The following SEPTIN9 variants were observed in gnomAD, a reference collection of about 807,000 sequenced individuals.
SEPTIN9 encodes the protein septin-9.
A neutral mutation model predicts 56.6 loss-of-function variants in SEPTIN9; 13 were observed. That is an observed-to-expected ratio of 0.23 (90% CI 0.15 to 0.37). The LOEUF (loss-of-function observed/expected upper bound fraction) is 0.37, where lower values mean the gene tolerates loss of function less well. Among genes scored for constraint, SEPTIN9 ranks in the 10% least tolerant of loss-of-function variants. The pLI, the probability that SEPTIN9 is intolerant of heterozygous loss-of-function variation, is 1.00. For synonymous variants in SEPTIN9, 332 were observed against 334.1 expected (o/e 0.99, Z 0.07); for missense variants, 650 against 823.1 (o/e 0.79, Z 2.57).
intron 2 of SEPTIN9, among the ~76,000 whole-genome samples, chr17:77,335,131 T>C (rs902439048): frequency 2.0e-5 from 3 of 152,044 alleles, no homozygotes; most frequent in Admixed American, 6.5e-5. Flanking sequence ...TATATGTACA[T>C]ATATACATGT....
intron 2 of SEPTIN9, among the ~76,000 whole-genome samples, chr17:77,311,392 G>T (rs556170585): frequency 6.6e-6 from 1 of 152,126 alleles, no homozygotes; most frequent in Non-Finnish European, 1.5e-5. Flanking sequence ...CCACCTGGCC[G>T]CTGTGGATGG....
In SEPTIN9 at chr17:77,450,574, C is replaced by T. The variant is rs947796474; in HGVS notation, c.722-31570C>T. On this transcript the variant is annotated intron_variant, in intron 3 of 11. Transcript: ENST00000427177. This position sits in a 1 kb window ranked among gnomAD's most constrained non-coding sequence, Gnocchi z 6.0. ...TGGCACTGAGATGGGTCTGGCAGATCCCAGCGTCCAGGCCCAGCCCCTATA... is the reference window on the plus strand; with the variant it reads ...TGGCACTGAGATGGGTCTGGCAGATTCCAGCGTCCAGGCCCAGCCCCTATA... The T allele has an allele frequency of 1.0e-6, 1 of 985,470 alleles. No homozygotes were observed. The highest frequency in any genetic ancestry group is 1.2e-6 in the Non-Finnish European group (1 of 830,096). 61.0% of individuals were successfully genotyped at this position (985,470 alleles called of 1,614,324 possible).
chr17:77,491,622 GA>G (rs2143398910), intron 8 of SEPTIN9, among the ~76,000 whole-genome samples: 1 of 151,678 alleles, frequency 6.6e-6, no homozygotes, highest in South Asian at 2.1e-4. Context: ...AGGCCAACAT[GA>G]TGAAACCCCA....
At chr17:77,480,410 G>A (rs1173348689) in intron 3 of SEPTIN9, among the ~76,000 whole-genome samples, 1 of 152,188 alleles carries the variant, frequency 6.6e-6, no homozygotes, top group African/African-American at 2.4e-5. Context: ...TGAATCGGCT[G>A]GGGATGCAGG....
Position 77,498,856 on chromosome 17 carries a change from T to G in SEPTIN9, c.*198T>G. On this transcript the variant is annotated 3_prime_UTR_variant, in exon 12 of 12. Coordinates refer to ENST00000427177, the MANE Select transcript of SEPTIN9 (RefSeq NM_001113491.2). ...GATGAGGCCGCGGCCTCCCCGAGGT[T>G]GTGGGGAGGCTGCACTGGAGCCACA... is the stretch of plus-strand genomic sequence containing the variant. 1.7e-6 allele frequency: 1 copy of G among 604,492 alleles called. No homozygotes were observed. The allele number at this position is 604,492 out of a possible 1,614,324, so 37.4% of individuals were successfully genotyped here.
At chr17:77,485,708 G>A (rs576288307) in intron 4 of SEPTIN9, among the ~76,000 whole-genome samples, 24 of 152,172 alleles carry the variant, frequency 1.6e-4, no homozygotes, top group African/African-American at 5.5e-4. Flanking sequence ...GATGGACGAG[G>A]AGTGTCCGTC....
At chr17:77,409,369 C>T (rs538903810) in intron 3 of SEPTIN9, among the ~76,000 whole-genome samples, 22 of 152,214 alleles carry the variant, frequency 1.4e-4, no homozygotes, top group African/African-American at 4.8e-4. Flanking sequence ...CAGAGCCTGG[C>T]TCCAGAGCCC....
intron 3 of SEPTIN9, among the ~76,000 whole-genome samples, chr17:77,459,029 G>A (rs1039175450): frequency 4.6e-5 from 7 of 152,192 alleles, no homozygotes; most frequent in Admixed American, 1.3e-4. Context: ...GGGCCCATGC[G>A]TCCAGGAGGT....
At chr17:77,388,551 C>T (rs553323242) in intron 2 of SEPTIN9, among the ~76,000 whole-genome samples, 6 of 152,164 alleles carry the variant, frequency 3.9e-5, no homozygotes, top group Admixed American at 2.0e-4. Context: ...CAGCTTGGCG[C>T]GCTTTGGATC....
Position 77,319,069 on chromosome 17 carries a change from A to G in SEPTIN9, c.76+11872A>G, listed in dbSNP as rs1310030485. On this transcript the variant is annotated intron_variant, in intron 2 of 11. Transcript: ENST00000427177. This position sits in a 1 kb window ranked among gnomAD's most constrained non-coding sequence, Gnocchi z 5.3. ...TTCTCAACAGAAGCTGACAGTCTGGAGTTTTCAGAGAGATTGCCTGAGTTC... is the reference window on the plus strand; with the variant it reads ...TTCTCAACAGAAGCTGACAGTCTGGGGTTTTCAGAGAGATTGCCTGAGTTC... Among the ~76,000 whole-genome samples the G allele has an allele frequency of 6.6e-6, 1 of 152,206 alleles. No individual in the cohort carries two copies. Among genetic ancestry groups the G allele is most frequent in the Non-Finnish European group, 1.5e-5 (1 of 68,028 alleles).
intron 4 of SEPTIN9, among the ~76,000 whole-genome samples, chr17:77,485,335 A>T (rs372066326): frequency 6.8e-5 from 8 of 118,236 alleles, no homozygotes; most frequent in African/African-American, 2.9e-4. Flanking sequence ...GATGGGGATG[A>T]TGGTGGTGTT....
rs1447342032 is a variant in SEPTIN9 at position 77,372,079 on chromosome 17, C to CA, written c.77-29979dup. Among the ~76,000 whole-genome samples the CA allele has an allele frequency of 2.6e-5, 4 of 152,152 alleles. No homozygotes were observed. The East Asian group carries it at 7.7e-4, about 29-fold the overall frequency. The stretch of plus-strand genomic sequence containing the variant: ...TGAGCTGTCAGGCGCTCCCCGGCCA[C>CA]ACATTCAAGGGACCGGAGTGCAGTT... On this transcript the variant is annotated intron_variant, in intron 2 of 11. Coordinates refer to ENST00000427177, the MANE Select transcript of SEPTIN9 (RefSeq NM_001113491.2).
intron 3 of SEPTIN9, among the ~76,000 whole-genome samples, chr17:77,481,230 G>A (rs902084641): frequency 5.3e-5 from 8 of 152,232 alleles, no homozygotes; most frequent in Non-Finnish European, 7.3e-5. Flanking sequence ...GCCATCGAAG[G>A]GACCTACAGA....
chr17:77,448,484 CAAAA>C (rs746241410), intron 3 of SEPTIN9, among the ~76,000 whole-genome samples: 10 of 118,894 alleles, frequency 8.4e-5, no homozygotes, highest in African/African-American at 9.3e-5. Context: ...CCCCGGCAAC[CAAAA>C]AAAAAAAAAA....
rs2143104828 is a variant in SEPTIN9 at position 77,475,431 on chromosome 17, G to GCC, written c.722-6712_722-6711dup. The stretch of plus-strand genomic sequence containing the variant: ...GGCCGGACACTGTCCTCCTAGCATT[G>GCC]CCTGCATCAGGGACTCACTCAGCTT... On this transcript the variant is annotated intron_variant, in intron 3 of 11. Transcript: ENST00000427177. The surrounding 1 kb of genome is among the most constrained non-coding windows in gnomAD (Gnocchi z 4.6). 1 of 1,505,960 alleles carries GCC rather than the reference G, an allele frequency of 6.6e-7. No homozygotes were observed. The highest frequency in any genetic ancestry group is 2.3e-5 in the East Asian group (1 of 42,910). The allele number at this position is 1,505,960 out of a possible 1,614,324, so 93.3% of individuals were successfully genotyped here.
intron 1 of SEPTIN9, chr17:77,288,129 C>T (rs892258687): frequency 9.4e-7 from 1 of 1,063,236 alleles, no homozygotes; most frequent in African/African-American, 1.6e-5. Context: ...CCTACCCCAC[C>T]CCGGCCTGGG....
chr17:77,431,002 A>G (rs530370476), intron 3 of SEPTIN9, among the ~76,000 whole-genome samples: 3 of 131,780 alleles, frequency 2.3e-5, no homozygotes, highest in East Asian at 3.0e-4. Flanking sequence ...AAAAAAAAAA[A>G]AAGAAGAAGA....
intron 3 of SEPTIN9, among the ~76,000 whole-genome samples, chr17:77,478,514 A>G (rs2039315111): frequency 6.6e-6 from 1 of 152,206 alleles, no homozygotes; most frequent in African/African-American, 2.4e-5. Context: ...GGAGAAATCA[A>G]AGGCGGGACA....
chr17:77,393,666 C>T (rs2035615805), intron 2 of SEPTIN9, among the ~76,000 whole-genome samples: 1 of 152,104 alleles, frequency 6.6e-6, no homozygotes, highest in South Asian at 2.1e-4. Context: ...CTCGGCTCAC[C>T]ACAACCTCCG....
Sources: allele counts gnomAD v4.1 joint callset (sites outside exome capture counted in the v4.1 genomes callset), GRCh38; gene constraint gnomAD v4.1.1; non-coding constraint Gnocchi (gnomAD v3.1); transcripts MANE v1.5; gene names NCBI Gene and HGNC (gene_info 2026-07-23, HGNC 2026-07-21).